Variants in LINC00632 observed in about 807,000 individuals in gnomAD.
LINC00632 encodes ALDOA related specific transcript.
chrX:140,780,675 G>A (rs1430528015), exon 5 of LINC00632, among the ~76,000 whole-genome samples: 1 of 111,900 alleles, frequency 8.9e-6, no homozygotes, highest in Non-Finnish European at 1.9e-5. Flanking sequence ...ATTTGTGTAA[G>A]TCTACGTAAT....
At chrX:140,758,372 CTTTTTTT>C (rs35668777) in intron 3 of LINC00632, among the ~76,000 whole-genome samples, 1 of 69,809 alleles carries the variant, frequency 1.4e-5, no homozygotes, top group Non-Finnish European at 2.8e-5. Context: ...CTACATTTTC[CTTTTTTT>C]TTTTTTTTTT....
chrX:140,724,254 T>G (rs1045741401), intron 2 of LINC00632, among the ~76,000 whole-genome samples: 54 of 13,261 alleles, frequency 4.1e-3, no homozygotes, highest in African/African-American at 0.012. Context: ...TCCATACACA[T>G]ACACAGACAC....
At chrX:140,747,246 G>T (rs2148391444) in intron 3 of LINC00632, among the ~76,000 whole-genome samples, 1 of 111,518 alleles carries the variant, frequency 9.0e-6, no homozygotes, top group African/African-American at 3.2e-5. Flanking sequence ...AATTACATCG[G>T]GCTGGGCACG....
chrX:140,714,831 TA>T (rs754791939), intron 2 of LINC00632: 1 of 86,591 alleles, frequency 1.2e-5, no homozygotes, highest in African/African-American at 5.1e-5. Flanking sequence ...TCAAAAAAAA[TA>T]AAAAAATAAA....
intron 3 of LINC00632, among the ~76,000 whole-genome samples, chrX:140,740,986 C>G (rs1931217002): frequency 8.9e-6 from 1 of 111,873 alleles, no homozygotes; most frequent in Non-Finnish European, 1.9e-5. Flanking sequence ...AGTTGTAGAA[C>G]AGGGGTAGTT....
chrX:140,712,813 T>C (rs1318348163), intron 2 of LINC00632, among the ~76,000 whole-genome samples: 1 of 105,386 alleles, frequency 9.5e-6, no homozygotes, highest in Non-Finnish European at 1.9e-5. Context: ...TCTCTCTCTA[T>C]TGACTTCTGC....
chrX:140,759,471 C>G (rs1365043372), intron 3 of LINC00632, among the ~76,000 whole-genome samples: 1 of 109,949 alleles, frequency 9.1e-6, no homozygotes, highest in Non-Finnish European at 1.9e-5. Context: ...ATTCTCCCGC[C>G]TCAGCCTCCA....
chrX:140,742,867 G>A (rs1207009602), intron 3 of LINC00632, among the ~76,000 whole-genome samples: 69 of 94,761 alleles, frequency 7.3e-4, no homozygotes, highest in African/African-American at 2.7e-3. Context: ...GAGAGAGAGA[G>A]AGAGAGAGAG....
At chrX:140,762,879 G>A (rs756878931) in intron 3 of LINC00632, among the ~76,000 whole-genome samples, 12 of 112,001 alleles carry the variant, frequency 1.1e-4, no homozygotes, top group African/African-American at 1.6e-4. Flanking sequence ...GACCATAGGC[G>A]TGATTTGACT....
chrX:140,787,335 G>C (rs1932033244), exon 5 of LINC00632, among the ~76,000 whole-genome samples: 1 of 111,358 alleles, frequency 9.0e-6, no homozygotes, highest in Admixed American at 9.6e-5. Context: ...TTAATAAATT[G>C]TGAACAACTT....
At chrX:140,755,402 G>T (rs1027473371) in intron 3 of LINC00632, among the ~76,000 whole-genome samples, 13 of 112,206 alleles carry the variant, frequency 1.2e-4, no homozygotes, top group African/African-American at 4.2e-4. Context: ...TTCGTTGTTT[G>T]AGTTGTTTTG....
chrX:140,720,294 A>G (rs1930707210), intron 2 of LINC00632, among the ~76,000 whole-genome samples: 1 of 110,771 alleles, frequency 9.0e-6, no homozygotes, highest in Admixed American at 9.7e-5. Flanking sequence ...GCTCAAAAAT[A>G]CACATAGACT....
chrX:140,735,667 A>T (rs1931132783), intron 3 of LINC00632, among the ~76,000 whole-genome samples: 2 of 110,813 alleles, frequency 1.8e-5, no homozygotes, highest in Admixed American at 1.9e-4. Flanking sequence ...TCCGGGTTCA[A>T]GCGATTCTCC....
intron 3 of LINC00632, among the ~76,000 whole-genome samples, chrX:140,751,961 G>C (rs1158323528): frequency 2.7e-5 from 3 of 111,360 alleles, no homozygotes; most frequent in Non-Finnish European, 5.7e-5. Context: ...CTTCACCTTT[G>C]CCACAACCAT....
chrX:140,772,338 C>T (rs772895474), exon 4 of LINC00632: 34 of 294,053 alleles, frequency 1.2e-4, no homozygotes, highest in South Asian at 1.1e-3. Flanking sequence ...TGATCACACA[C>T]GTGTTGTCAT....
intron 3 of LINC00632, among the ~76,000 whole-genome samples, chrX:140,744,795 C>A (rs1931301674): frequency 9.1e-6 from 1 of 110,328 alleles, no homozygotes; most frequent in Non-Finnish European, 1.9e-5. Flanking sequence ...GTCTCGAACT[C>A]CTGACCTTGT....
At chrX:140,729,072 C>T (rs1260616647) in intron 2 of LINC00632, among the ~76,000 whole-genome samples, 1 of 111,104 alleles carries the variant, frequency 9.0e-6, no homozygotes. Context: ...ACCCACAGTT[C>T]AAGACATGCT....
At chrX:140,776,623 A>G (rs920166778) in exon 5 of LINC00632, among the ~76,000 whole-genome samples, 2 of 112,066 alleles carry the variant, frequency 1.8e-5, no homozygotes, top group Admixed American at 9.4e-5. Flanking sequence ...GATGGCGATT[A>G]TTAAAAAGTC....
intron 3 of LINC00632, among the ~76,000 whole-genome samples, chrX:140,768,565 T>G (rs933201274): frequency 4.0e-4 from 40 of 99,396 alleles, no homozygotes; most frequent in African/African-American, 1.4e-3. Context: ...TATTATATAT[T>G]TATTATATAT....
Sources: allele counts gnomAD v4.1 joint callset (sites outside exome capture counted in the v4.1 genomes callset), GRCh38; gene constraint gnomAD v4.1.1; transcripts MANE v1.5; gene names NCBI Gene and HGNC (gene_info 2026-07-23, HGNC 2026-07-21).